Variants in SLC8A1 observed in about 807,000 individuals in gnomAD.
The protein encoded by SLC8A1 is solute carrier family 8 member A1.
A neutral mutation model predicts 68.3 loss-of-function variants in SLC8A1; 18 were observed. That is an observed-to-expected ratio of 0.26 (90% CI 0.18 to 0.39). The LOEUF (loss-of-function observed/expected upper bound fraction) is 0.39, where lower values mean the gene tolerates loss of function less well. SLC8A1 is among the 10% of genes least tolerant of loss of function. The pLI, the probability that SLC8A1 is intolerant of heterozygous loss-of-function variation, is 1.00. For missense variants in SLC8A1, 985 were observed against 1,156.7 expected (o/e 0.85, Z 2.15); for synonymous variants, 475 against 415.5 (o/e 1.14, Z -1.74).
chr2:40,506,791 T>C (rs541556338), intron 1 of SLC8A1, among the ~76,000 whole-genome samples: 16 of 152,090 alleles, frequency 1.1e-4, no homozygotes, highest in African/African-American at 3.9e-4. Context: ...CAAAATCATC[T>C]CTGGGAAAAT....
At chr2:40,124,319 A>G (rs1372673075) in intron 7 of SLC8A1, among the ~76,000 whole-genome samples, 1 of 152,190 alleles carries the variant, frequency 6.6e-6, no homozygotes, top group Non-Finnish European at 1.5e-5. Flanking sequence ...CCCAATGGAT[A>G]TCTACCTAGT....
chr2:40,374,563 C>T (rs1004856808), intron 2 of SLC8A1, among the ~76,000 whole-genome samples: 5 of 151,848 alleles, frequency 3.3e-5, no homozygotes, highest in African/African-American at 1.2e-4. Context: ...CTGAATAGGC[C>T]TGTAAAGGAA....
chr2:40,422,833 T>A lies in SLC8A1; in HGVS notation c.1808+5640A>T, dbSNP rs191145861. On this transcript the variant is annotated intron_variant, in intron 2 of 7. Coordinates refer to ENST00000406785, the Ensembl canonical transcript of SLC8A1. ...GTATGGAAGAACAAGCACATAACCT[T>A]TTATTTCAAATAGAAAAGGGTTCAA... 3.3e-5 allele frequency among the ~76,000 whole-genome samples: 5 copies of A among 152,294 alleles called. No individual in the cohort carries two copies. The East Asian group carries it at 5.8e-4, about 18-fold the overall frequency.
chr2:40,478,921 G>A (rs1469883968), intron 1 of SLC8A1, among the ~76,000 whole-genome samples: 4 of 151,934 alleles, frequency 2.6e-5, no homozygotes, highest in East Asian at 3.9e-4. Context: ...ATAGGCGCCC[G>A]CCACCACGCC....
intron 2 of SLC8A1, among the ~76,000 whole-genome samples, chr2:40,246,001 G>A (rs1369189740): frequency 6.6e-6 from 1 of 152,210 alleles, no homozygotes; most frequent in Non-Finnish European, 1.5e-5. Flanking sequence ...GACCTATGAT[G>A]TTAATCATTA....
intron 1 of SLC8A1, among the ~76,000 whole-genome samples, chr2:40,505,305 C>A (rs910064349): frequency 5.3e-5 from 8 of 151,776 alleles, no homozygotes; most frequent in Non-Finnish European, 8.8e-5. Context: ...TAGTCAATAA[C>A]AATTTAATTG....
chr2:40,303,786 T>C (rs2072020393), intron 2 of SLC8A1, among the ~76,000 whole-genome samples: 1 of 152,180 alleles, frequency 6.6e-6, no homozygotes, highest in South Asian at 2.1e-4. Flanking sequence ...TTTCCAGACC[T>C]CACTTTCTTC....
exon 8 of SLC8A1, chr2:40,113,556 A>G (rs5548): frequency 0.024 from 3,705 of 152,814 alleles, 52 homozygotes; most frequent in Non-Finnish European, 0.039. Context: ...CCCGTTGGTC[A>G]CCCTGGCTTC....
intron 2 of SLC8A1, among the ~76,000 whole-genome samples, chr2:40,336,455 G>A (rs980505918): frequency 5.9e-5 from 9 of 152,090 alleles, no homozygotes; most frequent in South Asian, 2.1e-4. Flanking sequence ...GTCAGGCCTC[G>A]GTACTCCTGA....
chr2:40,327,644 T>C (rs1012835503), intron 2 of SLC8A1, among the ~76,000 whole-genome samples: 3 of 152,094 alleles, frequency 2.0e-5, no homozygotes, highest in Admixed American at 6.6e-5. Context: ...CTTCAGTGAA[T>C]TAATGCAGGA....
At chr2:40,174,917 C>T in intron 3 of SLC8A1, 75 bp from the exon 5 acceptor site, 3 of 1,405,496 alleles carry the variant, frequency 2.1e-6, no homozygotes, top group East Asian at 4.6e-5. Flanking sequence ...CATCAGACTG[C>T]CTGACAACCC....
At chr2:40,373,916 T>A (rs1360926197) in intron 2 of SLC8A1, among the ~76,000 whole-genome samples, 1 of 152,092 alleles carries the variant, frequency 6.6e-6, no homozygotes, top group East Asian at 1.9e-4. Context: ...CAAACAAGTG[T>A]GCATAAAATG....
chr2:40,475,038 A>C (rs1008854059), intron 1 of SLC8A1, among the ~76,000 whole-genome samples: 2 of 152,222 alleles, frequency 1.3e-5, no homozygotes, highest in African/African-American at 4.8e-5. Context: ...CTTATAAAAA[A>C]ATTATTTAGG....
intron 2 of SLC8A1, among the ~76,000 whole-genome samples, chr2:40,313,139 G>T (rs577357286): frequency 1.3e-5 from 2 of 151,944 alleles, no homozygotes; most frequent in African/African-American, 4.8e-5. Context: ...TGTCACTGTG[G>T]ATTAGTATGA....
intron 1 of SLC8A1, among the ~76,000 whole-genome samples, chr2:40,467,241 A>G (rs958878873): frequency 6.6e-6 from 1 of 152,048 alleles, no homozygotes; most frequent in African/African-American, 2.4e-5. Flanking sequence ...TCCACTATTA[A>G]CCCCAAGCTG....
Position 40,221,774 on chromosome 2 carries a change from A to G in SLC8A1, c.1809-43919T>C, listed in dbSNP as rs554424879. ...AATCATGAGTGAACTCCCATTCACA[A>G]TTGCTACAAAGAGAATAAAATACCT... On this transcript the variant is annotated intron_variant, in intron 2 of 7. Transcript: ENST00000406785. 3.3e-5 allele frequency among the ~76,000 whole-genome samples: 5 copies of G among 152,324 alleles called. No homozygotes were observed. The East Asian group carries it at 9.6e-4, about 29-fold the overall frequency.
intron 2 of SLC8A1, among the ~76,000 whole-genome samples, chr2:40,288,888 T>C (rs1308723811): frequency 3.4e-5 from 5 of 145,438 alleles, no homozygotes; most frequent in Admixed American, 3.4e-4. Flanking sequence ...TTGGTAGAGA[T>C]GGGATCTCAT....
chr2:40,398,014 G>C (rs899338170), intron 2 of SLC8A1, among the ~76,000 whole-genome samples: 4 of 152,088 alleles, frequency 2.6e-5, no homozygotes, highest in African/African-American at 9.7e-5. Flanking sequence ...TAACAGAATG[G>C]GGAGACCCTC....
At position 40,231,807 on chromosome 2, in the gene SLC8A1, G is replaced by A. The variant is rs1452555460; in HGVS notation, c.1809-53952C>T. Among the ~76,000 whole-genome samples the A allele has an allele frequency of 2.6e-5, 4 of 151,984 alleles. No individual in the cohort carries two copies. The East Asian group carries it at 5.8e-4, about 22-fold the overall frequency. On this transcript the variant is annotated intron_variant, in intron 2 of 7. Transcript: ENST00000406785. ...TCCACCTTTACCATCACCTATATAA[G>A]CAACTTACTTTGGGAACCTATTTCC...
Sources: allele counts gnomAD v4.1 joint callset (sites outside exome capture counted in the v4.1 genomes callset), GRCh38; gene constraint gnomAD v4.1.1; transcripts MANE v1.5; gene names NCBI Gene and HGNC (gene_info 2026-07-23, HGNC 2026-07-21).